Variants in PLEKHA7 observed in about 807,000 individuals in gnomAD.
PLEKHA7 encodes the protein pleckstrin homology domain-containing family A member 7.
A neutral mutation model predicts 170.0 loss-of-function variants in PLEKHA7; 104 were observed. The ratio of observed to expected loss-of-function variants is 0.61; its 90% CI spans 0.52 to 0.72. The LOEUF is 0.72. Among genes scored for constraint, PLEKHA7 ranks in the 30% least tolerant of loss-of-function variants. The pLI, the probability that PLEKHA7 is intolerant of heterozygous loss-of-function variation, is 0.00. For synonymous variants in PLEKHA7, 648 were observed against 660.8 expected (o/e 0.98, Z 0.30); for missense variants, 1,615 against 1,671.7 (o/e 0.97, Z 0.59).
intron 4 of PLEKHA7, among the ~76,000 whole-genome samples, chr11:16,859,495 A>C (rs1435941287): frequency 6.6e-6 from 1 of 152,218 alleles, no homozygotes; most frequent in Non-Finnish European, 1.5e-5. Context: ...GTGGTGATTT[A>C]CCACAATGGG....
chr11:16,804,914 G>C (rs980301403), intron 13 of PLEKHA7, among the ~76,000 whole-genome samples: 1 of 152,146 alleles, frequency 6.6e-6, no homozygotes, highest in Non-Finnish European at 1.5e-5. Context: ...AGGGAGGTGT[G>C]GGGAGGTGGG....
At chr11:16,802,357 G>T (rs565629281) in intron 15 of PLEKHA7, among the ~76,000 whole-genome samples, 4 of 152,272 alleles carry the variant, frequency 2.6e-5, no homozygotes, top group African/African-American at 9.6e-5. Flanking sequence ...AATGACTACA[G>T]CCACTTCCTC....
intron 12 of PLEKHA7, among the ~76,000 whole-genome samples, chr11:16,814,499 C>T (rs1241104261): frequency 1.3e-5 from 2 of 152,230 alleles, no homozygotes; most frequent in African/African-American, 4.8e-5. Flanking sequence ...TTTAATCCTT[C>T]TGCTCAAGAT....
chr11:16,804,601 C>T (rs917102202), intron 13 of PLEKHA7, among the ~76,000 whole-genome samples: 1 of 152,204 alleles, frequency 6.6e-6, no homozygotes, highest in African/African-American at 2.4e-5. Context: ...TCCCACGATC[C>T]CTTTGGTCAC....
chr11:16,823,062 A>C (rs1456532001), intron 10 of PLEKHA7, among the ~76,000 whole-genome samples: 5 of 152,082 alleles, frequency 3.3e-5, no homozygotes, highest in African/African-American at 7.2e-5. Context: ...TGGTACAATC[A>C]TAACTCATTG....
chr11:16,922,448 A>G (rs1161978626), intron 3 of PLEKHA7, among the ~76,000 whole-genome samples: 1 of 152,194 alleles, frequency 6.6e-6, no homozygotes. Flanking sequence ...TTTGAGCCCA[A>G]GCCTCCAAAG....
At chr11:16,968,720 C>T (rs572482658) in intron 3 of PLEKHA7, among the ~76,000 whole-genome samples, 12 of 152,156 alleles carry the variant, frequency 7.9e-5, no homozygotes, top group Non-Finnish European at 1.6e-4. Flanking sequence ...CCCATGACTC[C>T]CCCACCACCA....
At chr11:16,890,569 T>C (rs393625) in intron 3 of PLEKHA7, among the ~76,000 whole-genome samples, 117,857 of 152,112 alleles carry the variant, frequency 0.77, 47,350 homozygotes, top group Non-Finnish European at 0.9. Flanking sequence ...TTATCATAGA[T>C]GGTAACTCTT....
At chr11:16,958,974 A>G (rs1157780235) in intron 3 of PLEKHA7, among the ~76,000 whole-genome samples, 1 of 152,196 alleles carries the variant, frequency 6.6e-6, no homozygotes, top group Non-Finnish European at 1.5e-5. Flanking sequence ...GCCCTACCTA[A>G]GCCAGGAAGC....
chr11:16,794,878 A>C, intron 18 of PLEKHA7, 32 bp downstream of exon 18: 7 of 1,243,100 alleles, frequency 5.6e-6, no homozygotes, highest in Non-Finnish European at 8.2e-6. Context: ...CCCCAATCAG[A>C]TCCCCCACAT....
chr11:16,805,024 G>A (rs1386307276), intron 13 of PLEKHA7, among the ~76,000 whole-genome samples: 2 of 152,230 alleles, frequency 1.3e-5, no homozygotes, highest in Non-Finnish European at 2.9e-5. Context: ...GGTGAAAGCA[G>A]TGAAGTCTTC....
chr11:16,828,537 C>A (rs910651615), intron 9 of PLEKHA7, among the ~76,000 whole-genome samples: 1 of 152,208 alleles, frequency 6.6e-6, no homozygotes, highest in Non-Finnish European at 1.5e-5. Flanking sequence ...AGCAAGCATT[C>A]TTCTCGCTGT....
chr11:16,976,764 A>AT (rs1317955794), intron 3 of PLEKHA7, among the ~76,000 whole-genome samples: 3 of 152,278 alleles, frequency 2.0e-5, no homozygotes, highest in Non-Finnish European at 4.4e-5. Context: ...TCTTCCTGTC[A>AT]TTTTTTTGGT....
intron 9 of PLEKHA7, among the ~76,000 whole-genome samples, chr11:16,826,879 T>A (rs1850700041): frequency 6.6e-6 from 1 of 152,210 alleles, no homozygotes; most frequent in African/African-American, 2.4e-5. Flanking sequence ...TGTTTACTCA[T>A]CTAGCTCCCA....
rs1848702293 is a variant in PLEKHA7 at position 16,802,987 on chromosome 11, G to A, written c.2142C>T (p.Ala714=). The change falls in exon 15 of 27, where the codon GCC becomes GCT. Residue 714 remains alanine (A), a synonymous_variant. Transcript: ENST00000531066. Reference sequence around the variant, plus strand: ...TGACACGTACTTTGTTCTCTTTAAGGGCTCGTATCTTGTCTTCCAAGTCCT... The same window carrying A: ...TGACACGTACTTTGTTCTCTTTAAGAGCTCGTATCTTGTCTTCCAAGTCCT... ...VLQDLEDKIR[A]LKENKDQLES... is the part of the protein sequence containing the mutation. 6.2e-7 allele frequency: 1 copy of A among 1,613,260 alleles called. No homozygotes were observed. Among genetic ancestry groups the A allele is most frequent in the African/African-American group, 1.3e-5 (1 of 74,996 alleles).
intron 8 of PLEKHA7, among the ~76,000 whole-genome samples, chr11:16,850,867 A>G (rs1190072868): frequency 6.6e-6 from 1 of 152,184 alleles, no homozygotes; most frequent in Non-Finnish European, 1.5e-5. Context: ...GTTGCATGAA[A>G]TGGCTGGATG....
intron 8 of PLEKHA7, among the ~76,000 whole-genome samples, chr11:16,850,425 G>A (rs2135404660): frequency 6.6e-6 from 1 of 152,214 alleles, no homozygotes; most frequent in East Asian, 1.9e-4. Context: ...CAGTAAAGTG[G>A]ATCTTCAATC....
At chr11:17,009,380 A>G (rs1244093801) in intron 3 of PLEKHA7, among the ~76,000 whole-genome samples, 1 of 152,220 alleles carries the variant, frequency 6.6e-6, no homozygotes, top group Non-Finnish European at 1.5e-5. Flanking sequence ...GCAAGATTCT[A>G]TGTCTGTAAA....
chr11:17,006,877 C>G (rs1420848782), intron 3 of PLEKHA7, among the ~76,000 whole-genome samples: 3 of 152,158 alleles, frequency 2.0e-5, no homozygotes, highest in Non-Finnish European at 4.4e-5. Flanking sequence ...TACAAAATCC[C>G]CAACTGAACA....
Sources: gnomAD v4.1 joint callset for allele counts (sites outside exome capture counted in the v4.1 genomes callset) on GRCh38, gnomAD v4.1.1 for gene constraint, MANE v1.5 for transcripts, NCBI Gene and HGNC (gene_info 2026-07-23, HGNC 2026-07-21) for gene names.